GPHN: variants seen among roughly 807,000 people sequenced by gnomAD.
GPHN encodes the protein gephyrin.
A neutral mutation model predicts 95.5 loss-of-function variants in GPHN; 17 were observed. The observed-to-expected ratio is 0.18, with a 90% CI of 0.12 to 0.27. The LOEUF (loss-of-function observed/expected upper bound fraction) is 0.27, where lower values mean the gene tolerates loss of function less well. Ranked by LOEUF, GPHN falls within the 10% of genes least tolerant of loss-of-function variation. The pLI is 1.00. For synonymous variants in GPHN, 320 were observed against 322.5 expected (o/e 0.99, Z 0.08); for missense variants, 660 against 978.1 (o/e 0.67, Z 4.34).
At chr14:67,237,968 T>A in the GPHN span, among the ~76,000 whole-genome samples, 2 of 145,578 alleles carry the variant, frequency 1.4e-5, no homozygotes, top group African/African-American at 5.4e-5. Flanking sequence ...AGACTCTATA[T>A]GCAGAGGCTA....
chr14:67,247,102 T>C, the GPHN span, among the ~76,000 whole-genome samples: 33 of 152,352 alleles, frequency 2.2e-4, no homozygotes, highest in South Asian at 6.8e-3. Context: ...GGGATTTTGA[T>C]TGAGATTGTG....
the GPHN span, among the ~76,000 whole-genome samples, chr14:67,371,633 T>G: frequency 6.6e-6 from 1 of 152,202 alleles, no homozygotes; most frequent in Non-Finnish European, 1.5e-5. Flanking sequence ...CTATACTGAT[T>G]AGGTAGTTGT....
At chr14:67,361,965 G>C in the GPHN span, among the ~76,000 whole-genome samples, 2 of 147,796 alleles carry the variant, frequency 1.4e-5, no homozygotes, top group African/African-American at 4.9e-5. Flanking sequence ...TTGCTTGCTA[G>C]TTTGTTTCCC....
rs547722275 is a variant in GPHN at position 66,607,817 on chromosome 14, G to A, written c.65-73290G>A. Among the ~76,000 whole-genome samples, 152 of 152,012 alleles carry A rather than the reference G, an allele frequency of 1.0e-3. 1 individual carries two copies. Among genetic ancestry groups the A allele is most frequent in the Admixed American group, 1.0e-2 (152 of 15,264 alleles). On this transcript the variant is annotated intron_variant, in intron 1 of 22. Coordinates refer to ENST00000478722, the MANE Select transcript of GPHN (RefSeq NM_020806.5). ...TCATAATAGTCTCTGAGGATGTTTTGTATTTCTGTGGGATCAGTTGTAATG... is the reference window on the plus strand; with the variant it reads ...TCATAATAGTCTCTGAGGATGTTTTATATTTCTGTGGGATCAGTTGTAATG...
chr14:66,976,602 C>G (rs563560921), intron 9 of GPHN, among the ~76,000 whole-genome samples: 1 of 152,050 alleles, frequency 6.6e-6, no homozygotes, highest in Non-Finnish European at 1.5e-5. Context: ...ACTCATTCTA[C>G]TTTTGTTAAA....
At chr14:66,571,677 G>T (rs998622297) in intron 1 of GPHN, among the ~76,000 whole-genome samples, 4 of 152,090 alleles carry the variant, frequency 2.6e-5, no homozygotes, top group Non-Finnish European at 4.4e-5. Flanking sequence ...CAGGCGTGGT[G>T]GCAGGCACCT....
chr14:66,686,100 G>T (rs2067340245), intron 2 of GPHN, among the ~76,000 whole-genome samples: 1 of 152,138 alleles, frequency 6.6e-6, no homozygotes, highest in Admixed American at 6.6e-5. Context: ...TGTTCCAGTG[G>T]TCTATATCTC....
the GPHN span, among the ~76,000 whole-genome samples, chr14:67,657,778 T>TC: frequency 2.0e-5 from 3 of 147,642 alleles, no homozygotes; most frequent in South Asian, 2.1e-4. Flanking sequence ...TGAGACAGTC[T>TC]CGCTCTGTCG....
At chr14:67,049,236 T>C (rs1025823378) in intron 10 of GPHN, among the ~76,000 whole-genome samples, 8 of 152,062 alleles carry the variant, frequency 5.3e-5, no homozygotes, top group African/African-American at 1.9e-4. Flanking sequence ...GTTGTTGTTG[T>C]TGTTGTTTTG....
At chr14:66,984,867 C>G (rs993888137) in intron 9 of GPHN, among the ~76,000 whole-genome samples, 1 of 151,594 alleles carries the variant, frequency 6.6e-6, no homozygotes, top group African/African-American at 2.4e-5. Flanking sequence ...TTTATTGCCT[C>G]CCTCTTTATC....
At chr14:66,774,388 A>G (rs555529330) in intron 2 of GPHN, among the ~76,000 whole-genome samples, 11 of 152,318 alleles carry the variant, frequency 7.2e-5, no homozygotes, top group African/African-American at 2.6e-4. Flanking sequence ...TGTACCACAA[A>G]TAAGAAAATA....
At chr14:67,193,779 C>CAAAA in the GPHN span, among the ~76,000 whole-genome samples, 1 of 88,860 alleles carries the variant, frequency 1.1e-5, no homozygotes, top group East Asian at 3.1e-4. Context: ...CCAATTTCTA[C>CAAAA]AAAAAAAAAA....
chr14:66,739,039 T>C (rs2153438438), intron 2 of GPHN, among the ~76,000 whole-genome samples: 1 of 152,150 alleles, frequency 6.6e-6, no homozygotes, highest in East Asian at 1.9e-4. Flanking sequence ...CCCCATCTTA[T>C]ATAAACCCCA....
chr14:66,844,021 A>C (rs2062207805), intron 4 of GPHN, among the ~76,000 whole-genome samples: 1 of 152,050 alleles, frequency 6.6e-6, no homozygotes, highest in Admixed American at 6.6e-5. Context: ...CTTTTTAATA[A>C]GACCAGAAGA....
intron 19 of GPHN, among the ~76,000 whole-genome samples, chr14:67,164,028 G>A (rs1480059365): frequency 6.6e-6 from 1 of 151,834 alleles, no homozygotes; most frequent in African/African-American, 2.4e-5. Context: ...CAGCACTTTG[G>A]GAGGCCGAGG....
chr14:67,395,082 AC>A, the GPHN span, among the ~76,000 whole-genome samples: 8 of 152,158 alleles, frequency 5.3e-5, no homozygotes, highest in Non-Finnish European at 1.0e-4. Flanking sequence ...CAGAAAACAG[AC>A]TAAGACGAGA....
chr14:67,249,240 G>A, the GPHN span, among the ~76,000 whole-genome samples: 2 of 152,226 alleles, frequency 1.3e-5, no homozygotes, highest in Non-Finnish European at 2.9e-5. Context: ...GGGATTACAG[G>A]CGTGGGCCAC....
intron 9 of GPHN, chr14:66,985,847 AT>A (rs1044348871): frequency 5.7e-5 from 33 of 578,046 alleles, no homozygotes; most frequent in South Asian, 9.7e-5. Flanking sequence ...TCACCATCCC[AT>A]TTTTTTTATT....
chr14:66,998,760 A>C (rs193143574), intron 9 of GPHN, among the ~76,000 whole-genome samples: 435 of 152,162 alleles, frequency 2.9e-3, no homozygotes, highest in Non-Finnish European at 4.8e-3. Flanking sequence ...AGATGAAAAA[A>C]ATAAGCCTTG....
Sources: gnomAD v4.1 joint callset for allele counts (sites outside exome capture counted in the v4.1 genomes callset) on GRCh38, gnomAD v4.1.1 for gene constraint, MANE v1.5 for transcripts, NCBI Gene and HGNC (gene_info 2026-07-23, HGNC 2026-07-21) for gene names.